The following SLCO6A1 variants were observed in gnomAD, a reference collection of about 807,000 sequenced individuals.
The protein encoded by SLCO6A1 is solute carrier organic anion transporter family member 6A1.
SLCO6A1 carries 65 observed loss-of-function variants against 72.7 expected under a neutral mutation model. The observed-to-expected ratio is 0.89, with a 90% confidence interval of 0.73 to 1.10. The LOEUF is 1.10. Among genes scored for constraint, SLCO6A1 ranks in the 50% least tolerant of loss-of-function variants. SLCO6A1 has a pLI of 0.00. For synonymous variants in SLCO6A1, 314 were observed against 298.2 expected, an observed-to-expected ratio of 1.05 and a Z score of -0.55; for missense variants, 874 against 872.6, an observed-to-expected ratio of 1.00 and a Z score of -0.02.
At chr5:102,492,592 G>T (rs1395040671) in intron 1 of SLCO6A1, among the ~76,000 whole-genome samples, 1 of 152,150 alleles carries the variant, frequency 6.6e-6, no homozygotes, top group African/African-American at 2.4e-5. Flanking sequence ...GGGAGGCATT[G>T]CCTCACCTGG....
chr5:102,461,244 G>A (rs1036850630), intron 4 of SLCO6A1, among the ~76,000 whole-genome samples: 13 of 151,786 alleles, frequency 8.6e-5, no homozygotes, highest in African/African-American at 3.1e-4. Context: ...AAATGCCTAG[G>A]AATAGGCTTA....
intron 1 of SLCO6A1, among the ~76,000 whole-genome samples, chr5:102,487,662 G>A (rs751942447): frequency 3.0e-4 from 46 of 152,170 alleles, no homozygotes; most frequent in Non-Finnish European, 6.5e-4. Flanking sequence ...TACCAAGTGG[G>A]TGGCAGAACC....
intron 6 of SLCO6A1, among the ~76,000 whole-genome samples, chr5:102,441,895 A>C (rs1396757379): frequency 2.0e-5 from 3 of 151,010 alleles, no homozygotes; most frequent in Non-Finnish European, 4.4e-5. Context: ...TTTATTTTTT[A>C]TTTACTTATT....
At chr5:102,397,041 C>T (rs1174478818) in intron 10 of SLCO6A1, among the ~76,000 whole-genome samples, 1 of 152,228 alleles carries the variant, frequency 6.6e-6, no homozygotes, top group East Asian at 1.9e-4. Flanking sequence ...AGTTGCAACA[C>T]GAGTTTCAGA....
chr5:102,450,958 G>T (rs1425465010), intron 6 of SLCO6A1, among the ~76,000 whole-genome samples: 7 of 152,290 alleles, frequency 4.6e-5, no homozygotes, highest in Admixed American at 4.6e-4. Flanking sequence ...AGGGCAGAGG[G>T]GCTGTGAGTT....
chr5:102,395,544 G>T (rs1260214321), intron 10 of SLCO6A1, among the ~76,000 whole-genome samples: 1 of 151,986 alleles, frequency 6.6e-6, no homozygotes, highest in Non-Finnish European at 1.5e-5. Context: ...ATAATCCTTT[G>T]GGTATATACC....
chr5:102,395,075 A>G (rs1034029542), intron 10 of SLCO6A1, among the ~76,000 whole-genome samples: 4 of 152,162 alleles, frequency 2.6e-5, no homozygotes, highest in African/African-American at 9.7e-5. Flanking sequence ...GTTTTAGGGT[A>G]CATGTGCACA....
chr5:102,408,938 T>A (rs949952849), intron 9 of SLCO6A1, among the ~76,000 whole-genome samples: 2 of 152,186 alleles, frequency 1.3e-5, no homozygotes, highest in African/African-American at 4.8e-5. Flanking sequence ...TTTACTTTCC[T>A]CTTCAGAGAT....
At chr5:102,464,894 A>G (rs1751234000) in intron 4 of SLCO6A1, among the ~76,000 whole-genome samples, 1 of 152,158 alleles carries the variant, frequency 6.6e-6, no homozygotes, top group African/African-American at 2.4e-5. Flanking sequence ...TTAGGTACAG[A>G]GCAGAGTGGA....
At chr5:102,409,998 T>C (rs1747885136) in intron 9 of SLCO6A1, among the ~76,000 whole-genome samples, 1 of 152,140 alleles carries the variant, frequency 6.6e-6, no homozygotes, top group African/African-American at 2.4e-5. Flanking sequence ...TTATGGGATC[T>C]TTGGGGTGTC....
Position 102,382,834 on chromosome 5 carries a change from A to T in SLCO6A1, c.2017+5854T>A, listed in dbSNP as rs537844010. 3.1e-3 allele frequency among the ~76,000 whole-genome samples: 462 copies of T among 151,118 alleles called. 4 individuals carry two copies. The highest frequency in any genetic ancestry group is 0.011 in the African/African-American group (448 of 41,386). On this transcript the variant is annotated intron_variant, in intron 12 of 13. Transcript: ENST00000506729. ...GTTTTTAAATGCCGATTTTATCCTG[A>T]AACTTTACTGAAATCACTTACTAGT...
chr5:102,451,585 G>C (rs1021142626), intron 6 of SLCO6A1, among the ~76,000 whole-genome samples: 1 of 152,174 alleles, frequency 6.6e-6, no homozygotes, highest in Non-Finnish European at 1.5e-5. Flanking sequence ...TGGGTTGGGG[G>C]AATCTCCTGT....
Position 102,388,840 on chromosome 5 carries a change from A to G in SLCO6A1, c.1880-15T>C, listed in dbSNP as rs1281639212. 15 of 1,586,656 alleles carry G rather than the reference A, an allele frequency of 9.5e-6. No individual in the cohort carries two copies. The highest frequency in any genetic ancestry group is 1.2e-5 in the South Asian group (1 of 85,138). On this transcript the variant is annotated splice_polypyrimidine_tract_variant and intron_variant, in intron 11 of 13. Coordinates refer to ENST00000506729, the MANE Select transcript of SLCO6A1 (RefSeq NM_173488.5). ...AGGAATAGTCCCTATGAAAAATGCA[A>G]TGATTGTAAATTCTTTGTGAAAACA...
intron 8 of SLCO6A1, among the ~76,000 whole-genome samples, chr5:102,417,961 C>T (rs963411876): frequency 2.0e-5 from 3 of 151,518 alleles, no homozygotes; most frequent in African/African-American, 7.3e-5. Context: ...TGCCACTGCA[C>T]TCCAGCTTGG....
intron 4 of SLCO6A1, among the ~76,000 whole-genome samples, chr5:102,466,680 T>A (rs10055704): frequency 0.65 from 99,298 of 151,788 alleles, 32,741 homozygotes; most frequent in African/African-American, 0.69. Flanking sequence ...CCTCACCAGC[T>A]TCTGTAATTT....
chr5:102,414,583 C>G (rs533677954), intron 8 of SLCO6A1, among the ~76,000 whole-genome samples: 2 of 152,048 alleles, frequency 1.3e-5, no homozygotes, highest in Non-Finnish European at 2.9e-5. Flanking sequence ...TTTTTATACA[C>G]CAATAAAAAT....
At chr5:102,431,748 C>T (rs1002036710) in intron 7 of SLCO6A1, among the ~76,000 whole-genome samples, 12 of 152,096 alleles carry the variant, frequency 7.9e-5, no homozygotes, top group Non-Finnish European at 1.5e-4. Context: ...CCTCTCAGGT[C>T]TATTTGGTCT....
intron 6 of SLCO6A1, among the ~76,000 whole-genome samples, chr5:102,451,785 G>A (rs1367495568): frequency 6.6e-6 from 1 of 152,112 alleles, no homozygotes; most frequent in African/African-American, 2.4e-5. Flanking sequence ...TGTCCTCCTG[G>A]ACAGGCCAGT....
intron 12 of SLCO6A1, among the ~76,000 whole-genome samples, chr5:102,375,984 C>T (rs534784496): frequency 2.0e-5 from 3 of 152,190 alleles, no homozygotes; most frequent in East Asian, 1.9e-4. Context: ...GAAAACCATA[C>T]TTAGGCACAT....
Sources: allele counts gnomAD v4.1 joint callset (sites outside exome capture counted in the v4.1 genomes callset), GRCh38; gene constraint gnomAD v4.1.1; transcripts MANE v1.5; gene names NCBI Gene and HGNC (gene_info 2026-07-23, HGNC 2026-07-21).